Variants in PCDH15 observed in about 807,000 individuals in gnomAD.
PCDH15 encodes the protein protocadherin related 15.
Under a neutral mutation model 178.5 loss-of-function variants are expected in PCDH15, and 129 were observed. The observed-to-expected ratio is 0.72, with a 90% CI of 0.63 to 0.84. The LOEUF is 0.84. Among genes scored for constraint, PCDH15 ranks in the 40% least tolerant of loss-of-function variants. The pLI, the probability that PCDH15 is intolerant of heterozygous loss-of-function variation, is 0.00. For synonymous variants in PCDH15, 800 were observed against 732.0 expected, an observed-to-expected ratio of 1.09 and a Z score of -1.50; for missense variants, 2,230 against 2,099.9, an observed-to-expected ratio of 1.06 and a Z score of -1.21.
chr10:54,250,827 C>A (rs1226895672), intron 8 of PCDH15, among the ~76,000 whole-genome samples: 3 of 152,138 alleles, frequency 2.0e-5, no homozygotes, highest in African/African-American at 7.2e-5. Context: ...GTTCCACATC[C>A]ACTTCCCAAT....
chr10:55,432,870 C>T (rs1022783740), intron 2 of PCDH15, among the ~76,000 whole-genome samples: 3 of 151,664 alleles, frequency 2.0e-5, no homozygotes, highest in African/African-American at 7.3e-5. Context: ...GTGATCCGCC[C>T]GCCTCGGCCT....
chr10:55,502,652 A>G (rs1045699641), intron 2 of PCDH15, among the ~76,000 whole-genome samples: 6 of 151,648 alleles, frequency 4.0e-5, no homozygotes, highest in Non-Finnish European at 7.4e-5. Context: ...CTGGTGAAAT[A>G]ATGCCTGGAC....
intron 3 of PCDH15, among the ~76,000 whole-genome samples, chr10:54,415,311 A>G (rs1185554691): frequency 6.6e-6 from 1 of 152,054 alleles, no homozygotes; most frequent in South Asian, 2.1e-4. Context: ...CTATGAAACA[A>G]AAGTTTCAAG....
At chr10:55,324,101 G>A (rs546934198), upstream of PCDH15, among the ~76,000 whole-genome samples, 12 of 152,068 alleles carry the variant, frequency 7.9e-5, no homozygotes, top group South Asian at 2.1e-4. Context: ...TTCTCCTTTC[G>A]TGGACTGGGC....
At chr10:54,350,460 C>T (rs987766767) in intron 5 of PCDH15, among the ~76,000 whole-genome samples, 12 of 152,124 alleles carry the variant, frequency 7.9e-5, no homozygotes, top group Non-Finnish European at 1.6e-4. Context: ...ATCAGTCATA[C>T]ATTTTTCTCA....
intron 2 of PCDH15, among the ~76,000 whole-genome samples, chr10:54,898,739 T>C (rs1257723578): frequency 6.6e-6 from 1 of 152,108 alleles, no homozygotes; most frequent in East Asian, 1.9e-4. Context: ...AGGAAAACAG[T>C]ACAAGAAACA....
intron 1 of PCDH15, among the ~76,000 whole-genome samples, chr10:54,790,359 T>A (rs1951288375): frequency 6.6e-6 from 1 of 151,270 alleles, no homozygotes. Context: ...TATATACCTA[T>A]ATATGTAAAA....
Position 54,859,383 on chromosome 10 carries a change from C to T in PCDH15, c.-29+38067G>A, listed in dbSNP as rs137926113. Among the ~76,000 whole-genome samples, 43 of 152,078 alleles carry T rather than the reference C, an allele frequency of 2.8e-4. 1 individual carries two copies. In the East Asian group the frequency reaches 5.4e-3, roughly 19 times the overall value. On this transcript the variant is annotated intron_variant, in intron 3 of 5. Coordinates refer to the PCDH15 transcript ENST00000458638. The stretch of plus-strand genomic sequence containing the variant: ...CTCTCACTCCCTGTGTATGCTTGTC[C>T]GTAGAAACAGAGTGTAAATTACTTC...
intron 3 of PCDH15, among the ~76,000 whole-genome samples, chr10:54,420,732 G>A (rs1206340585): frequency 1.3e-5 from 2 of 152,034 alleles, no homozygotes; most frequent in South Asian, 4.1e-4. Flanking sequence ...TGTTGGCTGG[G>A]ACTCTGATTA....
At chr10:54,315,931 G>GT (rs765177414) in intron 8 of PCDH15, among the ~76,000 whole-genome samples, 2,750 of 107,328 alleles carry the variant, frequency 0.026, 75 homozygotes, top group African/African-American at 0.076. Flanking sequence ...TAGTTTGTGT[G>GT]TTTTTTTTGT....
intron 20 of PCDH15, among the ~76,000 whole-genome samples, chr10:53,998,920 C>A (rs766211886): frequency 1.3e-5 from 2 of 151,508 alleles, no homozygotes; most frequent in African/African-American, 4.8e-5. Flanking sequence ...GGCATGGTGG[C>A]GGGCACCTGT....
In PCDH15 at chr10:54,446,767, T is replaced by C. The variant is rs1318555113; in HGVS notation, c.158-67825A>G. 3.3e-5 allele frequency among the ~76,000 whole-genome samples: 5 copies of C among 151,466 alleles called. No individual in the cohort carries two copies. In the Admixed American group the frequency reaches 3.3e-4, roughly 10 times the overall value. ...TGCCTGAGATTTAAAAAAGTCGGAT[T>C]AGGCTCTTGCTTGCTTGCACAAAAG... On this transcript the variant is annotated intron_variant, in intron 3 of 37. Transcript: ENST00000644397.
rs180824135 is a variant in PCDH15, at chr10:55,346,341, C to T, written c.-155-179690G>A. On this transcript the variant is annotated intron_variant, in intron 2 of 5. Coordinates refer to the PCDH15 transcript ENST00000613346. ...TATCCAAAATTATGTCTGAATCTTT[C>T]TCCTACAATCAGAAATTCTATGTGG... Among the ~76,000 whole-genome samples the T allele has an allele frequency of 4.3e-4, 66 of 152,140 alleles. 1 individual carries two copies. Among genetic ancestry groups the T allele is most frequent in the Non-Finnish European group, 3.1e-4 (21 of 68,024 alleles).
At chr10:55,041,997 A>T (rs1018109614) in intron 2 of PCDH15, among the ~76,000 whole-genome samples, 2 of 152,096 alleles carry the variant, frequency 1.3e-5, no homozygotes, top group Non-Finnish European at 2.9e-5. Context: ...GTGTATTACT[A>T]TTCATGATTT....
intron 2 of PCDH15, among the ~76,000 whole-genome samples, chr10:54,915,486 CTT>C (rs1165100575): frequency 6.6e-6 from 1 of 152,136 alleles, no homozygotes; most frequent in Non-Finnish European, 1.5e-5. Flanking sequence ...ATAATGCACT[CTT>C]TGATTATTCA....
At chr10:54,952,181 T>G (rs981005030) in intron 2 of PCDH15, among the ~76,000 whole-genome samples, 1 of 151,904 alleles carries the variant, frequency 6.6e-6, no homozygotes, top group Non-Finnish European at 1.5e-5. Context: ...CATTTTGAAC[T>G]AATTTTCATG....
intron 1 of PCDH15, among the ~76,000 whole-genome samples, chr10:55,206,633 G>C (rs1413236043): frequency 6.6e-6 from 1 of 152,012 alleles, no homozygotes; most frequent in Non-Finnish European, 1.5e-5. Flanking sequence ...TAATATAAGT[G>C]CATTTAAAAC....
chr10:54,773,983 A>G (rs1375095253), intron 1 of PCDH15, among the ~76,000 whole-genome samples: 2 of 142,614 alleles, frequency 1.4e-5, no homozygotes, highest in Non-Finnish European at 3.0e-5. Context: ...AGTCAAGTCT[A>G]GATGAACTGG....
At chr10:55,601,713 A>G (rs531429210) in intron 2 of PCDH15, among the ~76,000 whole-genome samples, 15 of 152,326 alleles carry the variant, frequency 9.8e-5, no homozygotes, top group African/African-American at 3.6e-4. Context: ...GGTAGCAGGA[A>G]CAAAAAAGAA....
Sources: allele counts gnomAD v4.1 joint callset (sites outside exome capture counted in the v4.1 genomes callset), GRCh38; gene constraint gnomAD v4.1.1; transcripts MANE v1.5; gene names NCBI Gene and HGNC (gene_info 2026-07-23, HGNC 2026-07-21).